Variants in AGAP1 observed in about 807,000 individuals in gnomAD.
The protein encoded by AGAP1 is ArfGAP with GTPase domain, ankyrin repeat and PH domain 1.
AGAP1 carries 29 observed loss-of-function variants against 105.3 expected under a neutral mutation model. That is an observed-to-expected ratio of 0.28 (90% CI 0.21 to 0.38). The LOEUF (loss-of-function observed/expected upper bound fraction) is 0.38, where lower values mean the gene tolerates loss of function less well. Among genes scored for constraint, AGAP1 ranks in the 10% least tolerant of loss-of-function variants. The probability of loss-of-function intolerance (pLI) is 1.00; values close to 1 mark genes in which losing one functional copy is unlikely to be tolerated. For synonymous variants in AGAP1, 509 were observed against 485.9 expected (o/e 1.05, Z -0.63); for missense variants, 998 against 1,165.1 (o/e 0.86, Z 2.09).
rs1003244186 is a variant in AGAP1, at chr2:236,012,574, C to T, written c.1646-23987C>T. 9.2e-5 allele frequency among the ~76,000 whole-genome samples: 14 copies of T among 152,040 alleles called. No homozygotes were observed. Among genetic ancestry groups the T allele is most frequent in the South Asian group, 6.2e-4 (3 of 4,822 alleles). On this transcript the variant is annotated intron_variant, in intron 13 of 17. Coordinates refer to ENST00000304032, the MANE Select transcript of AGAP1 (RefSeq NM_001037131.3). The surrounding 1 kb of genome is among the most constrained non-coding windows in gnomAD (Gnocchi z 4.9). ...CGTTCCTCATGCATGGTATTTGTAC[C>T]GGTGGGTACCTGAAGATCCTTTTCC...
In AGAP1 at chr2:235,631,399, G is replaced by A. The variant is rs982952665; in HGVS notation, c.164-77780G>A. On this transcript the variant is annotated intron_variant, in intron 1 of 17. Coordinates refer to ENST00000304032, the MANE Select transcript of AGAP1 (RefSeq NM_001037131.3). This position sits in a 1 kb window ranked among gnomAD's most constrained non-coding sequence, Gnocchi z 5.4. ...TGCGAGCTAGCCAAGGAGAGGCCAC[G>A]AGGCGGGAGAGCCAAGGAGGACAGC... 1.3e-5 allele frequency among the ~76,000 whole-genome samples: 2 copies of A among 152,220 alleles called. No homozygotes were observed. Among genetic ancestry groups the A allele is most frequent in the African/African-American group, 4.8e-5 (2 of 41,464 alleles).
intron 9 of AGAP1, among the ~76,000 whole-genome samples, chr2:235,844,615 G>A (rs1036729477): frequency 1.3e-5 from 2 of 152,058 alleles, no homozygotes; most frequent in Non-Finnish European, 2.9e-5. Context: ...AGCTTGGCAC[G>A]GCATTTAAGG....
rs1454339840 is a variant in AGAP1 at position 235,549,130 on chromosome 2, G to A, written c.163+54281G>A. Reference sequence around the variant, plus strand: ...TCATGCTAATGACTAAATCATTCAAGCCTTCTTCTTCCTGGATTTTATACC... The same window carrying A: ...TCATGCTAATGACTAAATCATTCAAACCTTCTTCTTCCTGGATTTTATACC... On this transcript the variant is annotated intron_variant, in intron 1 of 17. Transcript: ENST00000304032. The surrounding 1 kb of genome is among the most constrained non-coding windows in gnomAD (Gnocchi z 4.2). Among the ~76,000 whole-genome samples, 2 of 152,210 alleles carry A rather than the reference G, an allele frequency of 1.3e-5. No individual in the cohort carries two copies. Among genetic ancestry groups the A allele is most frequent in the Non-Finnish European group, 2.9e-5 (2 of 68,044 alleles).
chr2:235,536,882 T>C (rs1201067033), intron 1 of AGAP1, among the ~76,000 whole-genome samples: 3 of 152,188 alleles, frequency 2.0e-5, no homozygotes, highest in Admixed American at 6.5e-5. Flanking sequence ...TGCGGCTTCC[T>C]TCCACCTCTC....
chr2:235,752,722 C>T lies in AGAP1; in HGVS notation c.673+2234C>T, dbSNP rs886618439. On this transcript the variant is annotated intron_variant, in intron 6 of 17. Transcript: ENST00000304032. This position sits in a 1 kb window ranked among gnomAD's most constrained non-coding sequence, Gnocchi z 4.3. ...TTGCTTTTGTATTTATCACGGTTAA[C>T]ATACATGAGTTTTCCATAAATTGAT... Among the ~76,000 whole-genome samples the T allele has an allele frequency of 3.9e-5, 6 of 152,190 alleles. No homozygotes were observed. The highest frequency in any genetic ancestry group is 5.9e-5 in the Non-Finnish European group (4 of 68,038).
Position 235,569,059 on chromosome 2 carries a change from G to T in AGAP1, c.163+74210G>T, listed in dbSNP as rs1944436865. Among the ~76,000 whole-genome samples the T allele has an allele frequency of 6.6e-6, 1 of 152,242 alleles. No individual in the cohort carries two copies. Among genetic ancestry groups the T allele is most frequent in the African/African-American group, 2.4e-5 (1 of 41,466 alleles). ...GGCAGCGTATTCATAGGTTCTGGGT[G>T]TTGGGACATGGACATTTTGGGGGAC... On this transcript the variant is annotated intron_variant, in intron 1 of 17. Transcript: ENST00000304032. The surrounding 1 kb of genome is among the most constrained non-coding windows in gnomAD (Gnocchi z 5.9).
In AGAP1 at chr2:235,869,420, T is replaced by TAAAAAAAAAAAA. The variant is rs35813316; in HGVS notation, c.1051-13905_1051-13894dup. ...CAACATGGTGAAACTCCATCTCTAC[T>TAAAAAAAAAAAA]AAAAAAAAAAAAAAAAAAAAAAAAA... is the stretch of plus-strand genomic sequence containing the variant. On this transcript the variant is annotated intron_variant, in intron 9 of 17. Coordinates refer to ENST00000304032, the MANE Select transcript of AGAP1 (RefSeq NM_001037131.3). 3.6e-4 allele frequency among the ~76,000 whole-genome samples: 18 copies of TAAAAAAAAAAAA among 49,958 alleles called. 2 individuals are homozygous for TAAAAAAAAAAAA. Among genetic ancestry groups the TAAAAAAAAAAAA allele is most frequent in the East Asian group, 7.6e-4 (1 of 1,310 alleles). The allele number at this position is 49,958 out of a possible 152,430, so 32.8% of individuals were successfully genotyped here.
rs557734493 is a variant in AGAP1 at position 235,968,610 on chromosome 2, C to T, written c.1632C>T (p.Ser544=). The change falls in exon 13 of 18, where the codon TCC becomes TCT. Residue 544 remains serine (S), a synonymous_variant. Transcript: ENST00000304032. ...STSNFKADGL[S]GTAEEQEENF... ...GCAACTTCAAAGCCGACGGCCTGTC[C>T]GGCACTGCTGAAGGTAAGGGTTCCG... 2.1e-5 allele frequency: 34 copies of T among 1,608,332 alleles called. No individual in the cohort carries two copies. In the Admixed American group the frequency reaches 3.0e-4, roughly 14 times the overall value.
In AGAP1 at chr2:235,591,758, G is replaced by A. The variant is rs530047828; in HGVS notation, c.163+96909G>A. Among the ~76,000 whole-genome samples, 8 of 152,228 alleles carry A rather than the reference G, an allele frequency of 5.3e-5. No individual in the cohort carries two copies. In the South Asian group the frequency reaches 1.7e-3, roughly 32 times the overall value. On this transcript the variant is annotated intron_variant, in intron 1 of 17. Coordinates refer to ENST00000304032, the MANE Select transcript of AGAP1 (RefSeq NM_001037131.3). ...ATTCTTGCTCTGATAGTTCATGAGA[G>A]GTCTGTTTTGTTTTGTTTTTAATTT...
intron 9 of AGAP1, among the ~76,000 whole-genome samples, chr2:235,870,499 G>A (rs1211065184): frequency 6.6e-6 from 1 of 152,144 alleles, no homozygotes; most frequent in Admixed American, 6.5e-5. Context: ...GGTGGCACAT[G>A]TGTGTAATCC....
chr2:235,925,835 T>G (rs1247731914), intron 11 of AGAP1, among the ~76,000 whole-genome samples: 2 of 152,210 alleles, frequency 1.3e-5, no homozygotes, highest in African/African-American at 4.8e-5. Flanking sequence ...CTAGCTTGTC[T>G]TGATGTCAGG....
rs992197749 is a variant in AGAP1, at chr2:235,799,849, C to T, written c.957+327C>T. Among the ~76,000 whole-genome samples the T allele has an allele frequency of 1.3e-5, 2 of 152,044 alleles. No individual in the cohort carries two copies. Among genetic ancestry groups the T allele is most frequent in the African/African-American group, 2.4e-5 (1 of 41,390 alleles). On this transcript the variant is annotated intron_variant, in intron 8 of 17. Coordinates refer to ENST00000304032, the MANE Select transcript of AGAP1 (RefSeq NM_001037131.3). This position sits in a 1 kb window ranked among gnomAD's most constrained non-coding sequence, Gnocchi z 5.0. ...AGGAGATGACAAAACTCTAAGATTC[C>T]CAGATGTGTGTCTCTAACCGTTCAG... is the stretch of plus-strand genomic sequence containing the variant.
chr2:235,540,527 G>A (rs1313414035), intron 1 of AGAP1, among the ~76,000 whole-genome samples: 4 of 152,184 alleles, frequency 2.6e-5, no homozygotes, highest in Non-Finnish European at 4.4e-5. Context: ...AAAGGGCCTG[G>A]TTATCAGAGA....
rs116345125 is a variant in AGAP1, at chr2:235,887,149, C to T, written c.1155+3700C>T. ...AGAACCAGATGATCTCAGTTAAACA[C>T]GGACCATGCTGTGACACCCACATCC... On this transcript the variant is annotated intron_variant, in intron 10 of 17. Coordinates refer to ENST00000304032, the MANE Select transcript of AGAP1 (RefSeq NM_001037131.3). This position sits in a 1 kb window ranked among gnomAD's most constrained non-coding sequence, Gnocchi z 4.1. Among the ~76,000 whole-genome samples, 902 of 152,270 alleles carry T rather than the reference C, an allele frequency of 5.9e-3. 9 individuals are homozygous for T. The highest frequency in any genetic ancestry group is 0.021 in the African/African-American group (854 of 41,560).
chr2:235,783,343 T>G, intron 6 of AGAP1: 1 of 471,330 alleles, frequency 2.1e-6, no homozygotes, highest in South Asian at 1.5e-5. Context: ...GATGTATGCT[T>G]AATGTTCTAA....
At chr2:235,762,889 A>T (rs944751082) in intron 6 of AGAP1, among the ~76,000 whole-genome samples, 3 of 152,164 alleles carry the variant, frequency 2.0e-5, no homozygotes, top group African/African-American at 7.2e-5. Context: ...ACAGGAAAGA[A>T]AGATAGATTG....
At chr2:236,097,352 T>G (rs573055159) in intron 16 of AGAP1, among the ~76,000 whole-genome samples, 1 of 145,972 alleles carries the variant, frequency 6.9e-6, no homozygotes, top group Non-Finnish European at 1.5e-5. Context: ...TCATGAAATA[T>G]ACATAATATA....
intron 1 of AGAP1, among the ~76,000 whole-genome samples, chr2:235,708,144 C>T (rs1336505222): frequency 1.3e-5 from 2 of 152,204 alleles, no homozygotes; most frequent in East Asian, 3.8e-4. Context: ...TTTTAGGCAT[C>T]TTATGAATCA....
chr2:235,767,648 A>G (rs1955075411), intron 6 of AGAP1, among the ~76,000 whole-genome samples: 2 of 152,100 alleles, frequency 1.3e-5, no homozygotes, highest in African/African-American at 4.8e-5. Context: ...TTCTGCAGGC[A>G]GTAGGACCTT....
Sources: allele counts gnomAD v4.1 joint callset (sites outside exome capture counted in the v4.1 genomes callset), GRCh38; gene constraint gnomAD v4.1.1; non-coding constraint Gnocchi (gnomAD v3.1); transcripts MANE v1.5; gene names NCBI Gene and HGNC (gene_info 2026-07-23, HGNC 2026-07-21).